Variants in DCLK1 observed in about 807,000 individuals in gnomAD.
The protein encoded by DCLK1 is serine/threonine-protein kinase DCLK1.
In DCLK1, 16 loss-of-function variants were observed where a neutral mutation model predicts 86.2. That is an observed-to-expected ratio of 0.19 (90% CI 0.13 to 0.28). The LOEUF is 0.28. Among genes scored for constraint, DCLK1 ranks in the 10% least tolerant of loss-of-function variants. The pLI, the probability that DCLK1 is intolerant of heterozygous loss-of-function variation, is 1.00. For synonymous variants in DCLK1, 369 were observed against 370.5 expected (o/e 1.00, Z 0.05); for missense variants, 590 against 940.2 (o/e 0.63, Z 4.87).
chr13:35,792,513 AG>A (rs1229356065), intron 16 of DCLK1, among the ~76,000 whole-genome samples: 2 of 152,322 alleles, frequency 1.3e-5, no homozygotes, highest in Non-Finnish European at 2.9e-5. Flanking sequence ...TCCACATCAT[AG>A]TGTCTTAAAT....
chr13:35,825,671 T>C (rs1231015791), intron 10 of DCLK1, among the ~76,000 whole-genome samples: 1 of 152,166 alleles, frequency 6.6e-6, no homozygotes. Context: ...AGTTGTTAGT[T>C]TAAAAATTAA....
chr13:35,855,553 G>T, intron 5 of DCLK1: 1 of 1,600,330 alleles, frequency 6.2e-7, no homozygotes, highest in Non-Finnish European at 8.5e-7. Flanking sequence ...TGTTGGACCT[G>T]AATACCAACG....
chr13:36,124,167 A>G (rs1471293792), intron 2 of DCLK1, among the ~76,000 whole-genome samples: 2 of 152,214 alleles, frequency 1.3e-5, no homozygotes, highest in Admixed American at 1.3e-4. Flanking sequence ...TTGACTGGTC[A>G]TGCACCTGAC....
intron 2 of DCLK1, among the ~76,000 whole-genome samples, chr13:36,123,507 T>C (rs569331281): frequency 4.9e-4 from 74 of 152,352 alleles, no homozygotes; most frequent in African/African-American, 1.6e-3. Context: ...TTCACATTGA[T>C]TGAGGGGAAA....
At chr13:35,983,454 G>A (rs963791230) in intron 3 of DCLK1, among the ~76,000 whole-genome samples, 29 of 152,148 alleles carry the variant, frequency 1.9e-4, no homozygotes, top group African/African-American at 7.0e-4. Flanking sequence ...ATCACCAAGT[G>A]CATGAGTGGA....
chr13:36,098,427 A>G (rs1395162953), intron 3 of DCLK1, among the ~76,000 whole-genome samples: 1 of 152,244 alleles, frequency 6.6e-6, no homozygotes, highest in African/African-American at 2.4e-5. Flanking sequence ...CAAATAGGAC[A>G]AACGAAAAGT....
At chr13:36,004,226 C>T (rs535904725) in intron 3 of DCLK1, among the ~76,000 whole-genome samples, 83 of 152,266 alleles carry the variant, frequency 5.5e-4, no homozygotes, top group Middle Eastern at 3.4e-3. Context: ...AAAATGATTC[C>T]ACTGTGTCTG....
intron 6 of DCLK1, among the ~76,000 whole-genome samples, chr13:35,840,401 C>G (rs1037220023): frequency 2.6e-5 from 4 of 152,204 alleles, no homozygotes; most frequent in Non-Finnish European, 5.9e-5. Flanking sequence ...AGTCAAACAT[C>G]ACAGAACGTT....
At chr13:35,908,511 T>A (rs572890036) in intron 4 of DCLK1, among the ~76,000 whole-genome samples, 11 of 152,386 alleles carry the variant, frequency 7.2e-5, no homozygotes, top group African/African-American at 2.2e-4. Context: ...GCTTCTCTAG[T>A]GCCAGTGAGC....
intron 3 of DCLK1, among the ~76,000 whole-genome samples, chr13:35,949,072 C>T (rs1891670): frequency 0.83 from 125,766 of 152,138 alleles, 52,549 homozygotes; most frequent in East Asian, 0.92. Flanking sequence ...GCCTACCACG[C>T]TCCAATCAGC....
At chr13:36,046,652 G>A (rs1051998452) in intron 3 of DCLK1, among the ~76,000 whole-genome samples, 2 of 152,190 alleles carry the variant, frequency 1.3e-5, no homozygotes, top group African/African-American at 2.4e-5. Flanking sequence ...AGCCCTCTGC[G>A]GAGTGTGTTA....
intron 3 of DCLK1, among the ~76,000 whole-genome samples, chr13:36,104,110 G>T (rs1885310394): frequency 6.6e-6 from 1 of 152,188 alleles, no homozygotes; most frequent in African/African-American, 2.4e-5. Flanking sequence ...GGTGTGCATG[G>T]TAATGTAGTG....
chr13:35,951,000 G>A lies in DCLK1; in HGVS notation c.724-3543C>T, dbSNP rs574960566. ...TCTAGTGGATTTTCTCAGCCCTACC[G>A]CCTTTCTGTTTAATCCATCCTGTTT... is the stretch of plus-strand genomic sequence containing the variant. On this transcript the variant is annotated intron_variant, in intron 3 of 16. Coordinates refer to ENST00000360631, the MANE Select transcript of DCLK1 (RefSeq NM_001330071.2). 4.1e-4 allele frequency among the ~76,000 whole-genome samples: 63 copies of A among 151,908 alleles called. 1 individual carries two copies. The highest frequency in any genetic ancestry group is 3.4e-3 in the Middle Eastern group (1 of 294).
chr13:36,069,408 C>T (rs1428703378), intron 3 of DCLK1, among the ~76,000 whole-genome samples: 3 of 152,120 alleles, frequency 2.0e-5, no homozygotes, highest in African/African-American at 7.2e-5. Context: ...CATGGTTCTT[C>T]CTTCAATGAG....
intron 5 of DCLK1, among the ~76,000 whole-genome samples, chr13:35,860,983 T>C (rs1871348354): frequency 6.6e-6 from 1 of 152,172 alleles, no homozygotes; most frequent in Non-Finnish European, 1.5e-5. Flanking sequence ...TAAATTTGTT[T>C]CTAGGATGGA....
intron 5 of DCLK1, among the ~76,000 whole-genome samples, chr13:35,858,777 GAAACTCAAGTGC>G (rs1192473662): frequency 3.3e-5 from 5 of 152,212 alleles, no homozygotes; most frequent in Non-Finnish European, 7.3e-5. Flanking sequence ...CTAGAAAAAT[GAAACTCAAGTGC>G]CAGACAAGTC....
intron 3 of DCLK1, among the ~76,000 whole-genome samples, chr13:36,104,736 A>G (rs1885331869): frequency 1.3e-5 from 2 of 152,116 alleles, no homozygotes; most frequent in African/African-American, 4.8e-5. Flanking sequence ...TTAAGGAATG[A>G]CCTGTACCAT....
rs533942218 is a variant in DCLK1, at chr13:35,800,715, CTTTT to C, written c.1944+4980_1944+4983del. Among the ~76,000 whole-genome samples, 31 of 151,792 alleles carry C rather than the reference CTTTT, an allele frequency of 2.0e-4. 1 individual carries two copies. The South Asian group carries it at 6.2e-3, about 31-fold the overall frequency. The stretch of plus-strand genomic sequence containing the variant: ...GTCTACCTTTCCTTTTTCTTTCTTT[CTTTT>C]TGTTTGTTTGTTTTTTGAGACAGAG... On this transcript the variant is annotated intron_variant, in intron 15 of 16. Transcript: ENST00000360631.
intron 3 of DCLK1, among the ~76,000 whole-genome samples, chr13:35,988,864 A>G: frequency 6.6e-6 from 1 of 152,190 alleles, no homozygotes; most frequent in East Asian, 1.9e-4. Flanking sequence ...AAATGGCTGC[A>G]GCCCAGAACG....
Sources: allele counts gnomAD v4.1 joint callset (sites outside exome capture counted in the v4.1 genomes callset), GRCh38; gene constraint gnomAD v4.1.1; transcripts MANE v1.5; gene names NCBI Gene and HGNC (gene_info 2026-07-23, HGNC 2026-07-21).